Variants in NPAS2 observed in about 807,000 individuals in gnomAD.
The protein encoded by NPAS2 is neuronal PAS domain-containing protein 2.
In NPAS2, 23 loss-of-function variants were observed where a neutral mutation model predicts 107.5. That is an observed-to-expected ratio of 0.21 (90% CI 0.15 to 0.30). The LOEUF (loss-of-function observed/expected upper bound fraction) is 0.30. NPAS2 is among the 10% of genes least tolerant of loss of function. NPAS2 has a pLI of 1.00. For missense variants in NPAS2, 756 were observed against 1,043.3 expected (o/e 0.72, Z 3.79); for synonymous variants, 403 against 417.5 (o/e 0.97, Z 0.42).
intron 1 of NPAS2, among the ~76,000 whole-genome samples, chr2:100,855,852 A>G (rs1232025671): frequency 6.6e-6 from 1 of 152,112 alleles, no homozygotes; most frequent in African/African-American, 2.4e-5. Context: ...ACTTTCCCCA[A>G]AACTCTTGGA....
intron 1 of NPAS2, chr2:100,822,722 A>G (rs1016356598): frequency 1.3e-5 from 2 of 152,190 alleles, no homozygotes; most frequent in African/African-American, 4.8e-5. Context: ...TGTTCTTTAC[A>G]TGAATCGTCG....
intron 7 of NPAS2, among the ~76,000 whole-genome samples, chr2:100,951,726 G>A (rs180703058): frequency 6.6e-5 from 10 of 152,314 alleles, no homozygotes; most frequent in Admixed American, 4.6e-4. Flanking sequence ...AGTTTTGCAG[G>A]ATGAAAGGAG....
chr2:100,899,902 G>C (rs1449703672), intron 1 of NPAS2, among the ~76,000 whole-genome samples: 1 of 152,088 alleles, frequency 6.6e-6, no homozygotes, highest in Admixed American at 6.6e-5. Flanking sequence ...GGCGTGGTGG[G>C]GGTGGTGGTG....
intron 3 of NPAS2, among the ~76,000 whole-genome samples, chr2:100,926,141 G>T (rs571975623): frequency 6.6e-6 from 1 of 152,244 alleles, no homozygotes; most frequent in Non-Finnish European, 1.5e-5. Flanking sequence ...TCCATTGTAT[G>T]GATATATTAA....
In NPAS2 at chr2:100,937,793, G is replaced by T. The variant is rs1161885523; in HGVS notation, c.314G>T (p.Ser105Ile). The part of the protein sequence containing the change: ...GFIIAVTTDG[S>I]IIYVSDSITP... ...ATTATCGCAGTGACAACAGACGGCA[G>T]CATCATCTATGTCTCTGACAGTATC... is the stretch of plus-strand genomic sequence containing the variant. Residue 105 changes from serine to isoleucine, a missense_variant, in exon 5 of 21, where the codon AGC becomes ATC. Ser to Ile is a moderately radical substitution (Grantham distance 142, BLOSUM62 -2). Transcript: ENST00000335681. 1 of 1,614,074 alleles carries T rather than the reference G, an allele frequency of 6.2e-7. No homozygotes were observed. The highest frequency in any genetic ancestry group is 8.5e-7 in the Non-Finnish European group (1 of 1,180,014).
At chr2:100,921,636 A>G (rs1362039034) in intron 2 of NPAS2, among the ~76,000 whole-genome samples, 1 of 152,218 alleles carries the variant, frequency 6.6e-6, no homozygotes, top group Non-Finnish European at 1.5e-5. Flanking sequence ...TCACAAAATA[A>G]GATACATAAA....
At chr2:100,922,605 G>A (rs1683300719) in intron 2 of NPAS2, among the ~76,000 whole-genome samples, 1 of 152,080 alleles carries the variant, frequency 6.6e-6, no homozygotes, top group Non-Finnish European at 1.5e-5. Context: ...CCCAAAGCCT[G>A]GTTGTTGGGG....
At chr2:100,831,119 G>GT (rs1163517119) in intron 1 of NPAS2, among the ~76,000 whole-genome samples, 1 of 152,054 alleles carries the variant, frequency 6.6e-6, no homozygotes, top group Non-Finnish European at 1.5e-5. Context: ...GGGCAACATG[G>GT]TGAAACCGCT....
At chr2:100,977,012 T>G (rs1413954603) in intron 14 of NPAS2, 3 of 151,866 alleles carry the variant, frequency 2.0e-5, no homozygotes, top group Non-Finnish European at 4.4e-5. Context: ...TCGGAATAAC[T>G]TCAGACGAGT....
rs1299487528 is a variant in NPAS2, at chr2:100,974,810, G to A, written c.1148G>A (p.Gly383Asp). Residue 383 changes from glycine (G) to aspartate (D), a missense_variant, in exon 13 of 21, where the codon GGC becomes GAC. Transcript: ENST00000335681. ...TTGATGTGTGTGTTTCAGGACAAGG[G>A]CTCAAGCCTGGAACCTCGGCAGCAC... is the stretch of plus-strand genomic sequence containing the variant. ...ALHSSALKDK[G>D]SSLEPRQHFN... is the part of the protein sequence containing the mutation. 1.2e-6 allele frequency: 2 copies of A among 1,613,702 alleles called. No individual in the cohort carries two copies. Among genetic ancestry groups the A allele is most frequent in the Non-Finnish European group, 1.7e-6 (2 of 1,179,872 alleles).
intron 1 of NPAS2, among the ~76,000 whole-genome samples, chr2:100,897,588 TCACTCCCA>T (rs1330257798): frequency 6.6e-6 from 1 of 152,080 alleles, no homozygotes; most frequent in Non-Finnish European, 1.5e-5. Context: ...CCCTCACTGC[TCACTCCCA>T]CACTCCCTTC....
intron 19 of NPAS2, among the ~76,000 whole-genome samples, chr2:100,991,111 C>T (rs1678093907): frequency 6.6e-6 from 1 of 152,216 alleles, no homozygotes; most frequent in South Asian, 2.1e-4. Context: ...ACAATTCACA[C>T]CCCACCGTTT....
intron 3 of NPAS2, among the ~76,000 whole-genome samples, chr2:100,928,154 T>C (rs1055708120): frequency 6.6e-6 from 1 of 152,122 alleles, no homozygotes; most frequent in African/African-American, 2.4e-5. Context: ...TATCCTCATA[T>C]TATTTTTTCC....
At chr2:100,925,595 C>T (rs1311441288) in intron 3 of NPAS2, among the ~76,000 whole-genome samples, 1 of 152,142 alleles carries the variant, frequency 6.6e-6, no homozygotes, top group African/African-American at 2.4e-5. Context: ...ATCAAAAATC[C>T]CTGGAACAAG....
chr2:100,995,660 A>G lies in NPAS2; in HGVS notation c.*78A>G. On this transcript the variant is annotated 3_prime_UTR_variant, in exon 21 of 21. Coordinates refer to ENST00000335681, the MANE Select transcript of NPAS2 (RefSeq NM_002518.4). ...GGTGGCCACAGGAGATGGGGAGAGG[A>G]GTCTGAACTAAACCCCTGGCTTTTG... is the stretch of plus-strand genomic sequence containing the variant. 1 of 1,554,998 alleles carries G rather than the reference A, an allele frequency of 6.4e-7. No homozygotes were observed. Among genetic ancestry groups the G allele is most frequent in the Non-Finnish European group, 8.7e-7 (1 of 1,150,158 alleles).
At chr2:100,952,663 A>G (rs1675302126) in intron 7 of NPAS2, among the ~76,000 whole-genome samples, 1 of 152,144 alleles carries the variant, frequency 6.6e-6, no homozygotes, top group African/African-American at 2.4e-5. Flanking sequence ...TGATCTCATT[A>G]AGATGCTGCT....
At chr2:100,833,808 G>T (rs1676888050) in intron 1 of NPAS2, among the ~76,000 whole-genome samples, 1 of 152,112 alleles carries the variant, frequency 6.6e-6, no homozygotes, top group Non-Finnish European at 1.5e-5. Context: ...TTTATCTAAA[G>T]AGGCTTGGCT....
At chr2:100,844,835 G>A (rs1008981775) in intron 1 of NPAS2, among the ~76,000 whole-genome samples, 5 of 152,166 alleles carry the variant, frequency 3.3e-5, no homozygotes, top group Admixed American at 6.5e-5. Flanking sequence ...CTTTTCCTTT[G>A]CCACTTTCGT....
chr2:100,821,744 C>T (rs2104299766), intron 1 of NPAS2, among the ~76,000 whole-genome samples: 1 of 152,268 alleles, frequency 6.6e-6, no homozygotes, highest in South Asian at 2.1e-4. Context: ...CATTCAAGCG[C>T]ACACACTAGC....
Sources: gnomAD v4.1 joint callset for allele counts (sites outside exome capture counted in the v4.1 genomes callset) on GRCh38, gnomAD v4.1.1 for gene constraint, MANE v1.5 for transcripts, NCBI Gene and HGNC (gene_info 2026-07-23, HGNC 2026-07-21) for gene names.